Variants in GPATCH8 observed in about 807,000 individuals in gnomAD.
GPATCH8 encodes the protein G patch domain-containing protein 8.
GPATCH8 carries 18 observed loss-of-function variants against 118.3 expected under a neutral mutation model. The ratio of observed to expected loss-of-function variants is 0.15; its 90% CI spans 0.11 to 0.23. The LOEUF (loss-of-function observed/expected upper bound fraction) is 0.23, where lower values mean the gene tolerates loss of function less well. Ranked by LOEUF, GPATCH8 falls within the 10% of genes least tolerant of loss-of-function variation. The pLI is 1.00. For synonymous variants in GPATCH8, 659 were observed against 684.7 expected, an observed-to-expected ratio of 0.96 and a Z score of 0.59; for missense variants, 1,631 against 1,873.8, an observed-to-expected ratio of 0.87 and a Z score of 2.39.
At chr17:44,500,529 A>G (rs1350985761) in intron 1 of GPATCH8, among the ~76,000 whole-genome samples, 1 of 152,252 alleles carries the variant, frequency 6.6e-6, no homozygotes, top group Non-Finnish European at 1.5e-5. Flanking sequence ...AACTTTAGGT[A>G]TTCACAAATT....
At chr17:44,445,813 G>C (rs2050858814) in intron 3 of GPATCH8, 2 of 151,806 alleles carry the variant, frequency 1.3e-5, no homozygotes, top group South Asian at 4.2e-4. Flanking sequence ...GCCTACATGA[G>C]TATTTCTTGA....
intron 2 of GPATCH8, among the ~76,000 whole-genome samples, chr17:44,474,047 AG>A (rs1568040965): frequency 6.6e-6 from 1 of 152,194 alleles, no homozygotes; most frequent in Non-Finnish European, 1.5e-5. Context: ...TCCCCACTCA[AG>A]TTTTACCAAT....
intron 3 of GPATCH8, among the ~76,000 whole-genome samples, chr17:44,460,815 G>C (rs183738588): frequency 6.6e-6 from 1 of 152,260 alleles, no homozygotes; most frequent in East Asian, 1.9e-4. Flanking sequence ...TATATCAAAG[G>C]TTTAGTATGG....
chr17:44,446,383 G>A (rs554106497), intron 3 of GPATCH8, among the ~76,000 whole-genome samples: 6 of 152,190 alleles, frequency 3.9e-5, no homozygotes, highest in Admixed American at 6.5e-5. Context: ...TGGCTAACAC[G>A]GCGAAACCCA....
chr17:44,447,618 CCTTT>C (rs887602261), intron 3 of GPATCH8, among the ~76,000 whole-genome samples: 1 of 151,418 alleles, frequency 6.6e-6, no homozygotes, highest in Non-Finnish European at 1.5e-5. Flanking sequence ...ATTATCACCA[CCTTT>C]TTTTTTTTTT....
chr17:44,418,060 C>G (rs2049753474), intron 6 of GPATCH8, among the ~76,000 whole-genome samples: 1 of 151,472 alleles, frequency 6.6e-6, no homozygotes, highest in Admixed American at 6.6e-5. Context: ...CCTTTAGTGG[C>G]ACAAACAAGA....
chr17:44,395,742 G>C lies in GPATCH8; in HGVS notation c.*1826C>G, dbSNP rs1567912932. 1 of 454,052 alleles carries C rather than the reference G, an allele frequency of 2.2e-6. No homozygotes were observed. 28.1% of individuals were successfully genotyped at this position (454,052 alleles called of 1,614,324 possible). A position where few individuals can be genotyped will look rare whatever the true frequency, so the allele number is the denominator to read the frequency against. On this transcript the variant is annotated 3_prime_UTR_variant, in exon 8 of 8. Transcript: ENST00000591680. ...TTGAGAATTTGCGAAGGCAGGAACAGAGCCTTGGCCCAGGTAAGTATGGTT... is the reference window on the plus strand; with the variant it reads ...TTGAGAATTTGCGAAGGCAGGAACACAGCCTTGGCCCAGGTAAGTATGGTT...
intron 6 of GPATCH8, among the ~76,000 whole-genome samples, chr17:44,417,030 G>C (rs969456836): frequency 6.6e-6 from 1 of 152,096 alleles, no homozygotes; most frequent in South Asian, 2.1e-4. Context: ...ACAGTTAAAG[G>C]AATTTTTTTT....
At chr17:44,426,848 ACTCTCTCTCTCTCT>A (rs71361571) in intron 5 of GPATCH8, among the ~76,000 whole-genome samples, 2 of 35,396 alleles carry the variant, frequency 5.7e-5, no homozygotes, top group Admixed American at 3.4e-4. Context: ...ACACACACAC[ACTCTCTCTCTCTCT>A]CTCTCTCTCT....
chr17:44,458,379 T>C (rs1409695468), intron 3 of GPATCH8, among the ~76,000 whole-genome samples: 1 of 152,226 alleles, frequency 6.6e-6, no homozygotes, highest in Non-Finnish European at 1.5e-5. Flanking sequence ...AGTACCTATT[T>C]TCCCATAATC....
At chr17:44,411,935 A>G (rs1322088784) in intron 6 of GPATCH8, among the ~76,000 whole-genome samples, 1 of 152,138 alleles carries the variant, frequency 6.6e-6, no homozygotes, top group Admixed American at 6.6e-5. Context: ...TATAAAAAAA[A>G]AATTGAGATG....
chr17:44,398,021 GGCTGGGGCCAGGGCA>G lies in GPATCH8; in HGVS notation c.4041_4055del (p.Ala1348_Ala1352del), dbSNP rs1458463634. Reference sequence around the variant, plus strand: ...TGTGGATGGGTTGCAGGGCTGGTGTGGCTGGGGCCAGGGCAGCTGAGGCTGGAAAGGCCTTTACTT... The same window carrying G: ...TGTGGATGGGTTGCAGGGCTGGTGTGGCTGAGGCTGGAAAGGCCTTTACTT... On this transcript the variant is annotated inframe_deletion, in exon 8 of 8. Coordinates refer to ENST00000591680, the MANE Select transcript of GPATCH8 (RefSeq NM_001002909.4). 2 of 1,613,934 alleles carry G rather than the reference GGCTGGGGCCAGGGCA, an allele frequency of 1.2e-6. No individual in the cohort carries two copies. Among genetic ancestry groups the G allele is most frequent in the Non-Finnish European group, 1.7e-6 (2 of 1,179,938 alleles).
chr17:44,471,002 AT>A (rs1967235499), intron 2 of GPATCH8, among the ~76,000 whole-genome samples: 1 of 152,226 alleles, frequency 6.6e-6, no homozygotes, highest in South Asian at 2.1e-4. Flanking sequence ...AGCAATAACA[AT>A]TTTTAAAATT....
intron 1 of GPATCH8, among the ~76,000 whole-genome samples, chr17:44,491,441 T>C (rs891639262): frequency 3.3e-5 from 5 of 149,322 alleles, no homozygotes; most frequent in African/African-American, 1.2e-4. Context: ...TGAGCCGAGA[T>C]TGCGCCACTG....
In GPATCH8 at chr17:44,475,407, C is replaced by G. The variant is rs535656849; in HGVS notation, c.46-504G>C. ...AAAAGAAAAAAAAAAAAAGAAAAAA[C>G]TTTATAAAAGGCCGGGCGCGGTGGC... On this transcript the variant is annotated intron_variant, in intron 1 of 7. Coordinates refer to ENST00000591680, the MANE Select transcript of GPATCH8 (RefSeq NM_001002909.4). Among the ~76,000 whole-genome samples, 11 of 141,362 alleles carry G rather than the reference C, an allele frequency of 7.8e-5. No homozygotes were observed. The East Asian group carries it at 2.4e-3, about 31-fold the overall frequency. 92.7% of individuals were successfully genotyped at this position (141,362 alleles called of 152,430 possible). A position where few individuals can be genotyped will look rare whatever the true frequency, so the allele number is the denominator to read the frequency against.
At chr17:44,458,905 T>A (rs1396180099) in intron 3 of GPATCH8, among the ~76,000 whole-genome samples, 1 of 152,208 alleles carries the variant, frequency 6.6e-6, no homozygotes, top group Non-Finnish European at 1.5e-5. Flanking sequence ...TTTAAGATAA[T>A]AATTCTACCA....
rs2048877221 is a variant in GPATCH8 at position 44,398,679 on chromosome 17, G to A, written c.3398C>T (p.Pro1133Leu). ...LKDPPQGYFG[P>L]KLPPSLGNKP... ...ATTGCCAAGAGATGGGGGGAGCTTGGGCCCAAAGTAACCTTGTGGGGGGTC... is the reference window on the plus strand; with the variant it reads ...ATTGCCAAGAGATGGGGGGAGCTTGAGCCCAAAGTAACCTTGTGGGGGGTC... The change falls in exon 8 of 8, where the codon CCC becomes CTC. Residue 1133 changes from proline to leucine, a missense_variant. Coordinates refer to ENST00000591680, the MANE Select transcript of GPATCH8 (RefSeq NM_001002909.4). 6.3e-7 allele frequency: 1 copy of A among 1,576,470 alleles called. No individual in the cohort carries two copies. Among genetic ancestry groups the A allele is most frequent in the South Asian group, 1.2e-5 (1 of 83,956 alleles).
chr17:44,397,732 G>A lies in GPATCH8; in HGVS notation c.4345C>T (p.Pro1449Ser), dbSNP rs1257411168. ...ACAGGGTGAAAGGTGAAGGGCCCAG[G>A]ATGGATGGCTGAGGCGGGAATGATG... ...IHIIPASAIH[P>S]GPFTFHPVPH... The change falls in exon 8 of 8, where the codon CCT (proline) becomes TCT (serine). Residue 1449 changes from proline to serine, a missense_variant. Pro to Ser is a moderately conservative substitution (Grantham distance 74, BLOSUM62 -1). Around this residue, in one of 8 missense-constraint regions of GPATCH8, gnomAD observed 65 missense variants for 105.3 expected, o/e 0.62. Transcript: ENST00000591680. The A allele has an allele frequency of 2.5e-6, 4 of 1,599,580 alleles. No individual in the cohort carries two copies. Among genetic ancestry groups the A allele is most frequent in the East Asian group, 2.2e-5 (1 of 44,594 alleles).
chr17:44,397,264 T>C lies in GPATCH8; in HGVS notation c.*304A>G. The stretch of plus-strand genomic sequence containing the variant: ...AAAAAGCAGAGGGAGGAGGGGATTA[T>C]CTAAACTTGACAGTTTGGAGATGTT... On this transcript the variant is annotated 3_prime_UTR_variant, in exon 8 of 8. Transcript: ENST00000591680. 1.8e-6 allele frequency: 1 copy of C among 561,588 alleles called. No homozygotes were observed. Among genetic ancestry groups the C allele is most frequent in the South Asian group, 1.5e-5 (1 of 65,428 alleles). The allele number at this position is 561,588 out of a possible 1,614,324, so 34.8% of individuals were successfully genotyped here. A position where few individuals can be genotyped will look rare whatever the true frequency, so the allele number is the denominator to read the frequency against.
Sources: allele counts gnomAD v4.1 joint callset (sites outside exome capture counted in the v4.1 genomes callset), GRCh38; gene constraint gnomAD v4.1.1; regional missense constraint gnomAD v4.1.1; transcripts MANE v1.5; gene names NCBI Gene and HGNC (gene_info 2026-07-23, HGNC 2026-07-21).